Variants in EXOC6B observed in about 807,000 individuals in gnomAD.
The protein encoded by EXOC6B is exocyst complex component 6B.
A neutral mutation model predicts 113.5 loss-of-function variants in EXOC6B; 54 were observed. That is an observed-to-expected ratio of 0.48 (90% CI 0.38 to 0.60). The LOEUF (loss-of-function observed/expected upper bound fraction) is 0.60. Among genes scored for constraint, EXOC6B ranks in the 20% least tolerant of loss-of-function variants. The pLI is 0.00. For missense variants in EXOC6B, 797 were observed against 977.5 expected, an observed-to-expected ratio of 0.82 and a Z score of 2.46; for synonymous variants, 357 against 339.0, an observed-to-expected ratio of 1.05 and a Z score of -0.58.
At chr2:72,322,141 C>G (rs1687875301) in intron 20 of EXOC6B, among the ~76,000 whole-genome samples, 1 of 152,094 alleles carries the variant, frequency 6.6e-6, no homozygotes. Context: ...AGCAGTTTTA[C>G]TCATAATAGC....
chr2:72,609,432 A>T (rs957150358), intron 6 of EXOC6B, among the ~76,000 whole-genome samples: 6 of 151,996 alleles, frequency 3.9e-5, no homozygotes, highest in Non-Finnish European at 4.4e-5. Flanking sequence ...TGAAAAACGT[A>T]ATATCTGAAA....
chr2:72,304,630 A>T (rs2104766657), intron 20 of EXOC6B, among the ~76,000 whole-genome samples: 1 of 152,342 alleles, frequency 6.6e-6, no homozygotes, highest in South Asian at 2.1e-4. Context: ...TTTGGAGCAG[A>T]AGGAGTAAAC....
chr2:72,741,664 G>C (rs916293220), intron 1 of EXOC6B, among the ~76,000 whole-genome samples, 195 bp from the exon 2 acceptor site: 4 of 152,184 alleles, frequency 2.6e-5, no homozygotes, highest in Admixed American at 6.5e-5. Context: ...CAAAATATTT[G>C]ACTGCCTGAC....
intron 21 of EXOC6B, among the ~76,000 whole-genome samples, chr2:72,183,526 C>G (rs967972225): frequency 6.6e-6 from 1 of 152,182 alleles, no homozygotes; most frequent in Admixed American, 6.5e-5. Flanking sequence ...AAGAATTAGA[C>G]ACCTTCTCCA....
chr2:72,428,663 G>A (rs926033037), intron 18 of EXOC6B, among the ~76,000 whole-genome samples: 3 of 152,192 alleles, frequency 2.0e-5, no homozygotes, highest in African/African-American at 7.2e-5. Flanking sequence ...AGCCAAGCGG[G>A]CACAAGCAAA....
At chr2:72,558,254 T>A in intron 8 of EXOC6B, among the ~76,000 whole-genome samples, 1 of 150,686 alleles carries the variant, frequency 6.6e-6, no homozygotes. Context: ...CAGCAAGGAA[T>A]TGTAGATTGA....
At chr2:72,191,163 C>T (rs754145337) in intron 20 of EXOC6B, among the ~76,000 whole-genome samples, 1 of 152,118 alleles carries the variant, frequency 6.6e-6, no homozygotes, top group African/African-American at 2.4e-5. Context: ...AAAGATATGA[C>T]AAGGGGAGAC....
intron 18 of EXOC6B, among the ~76,000 whole-genome samples, chr2:72,403,658 TA>T (rs1693499642): frequency 6.6e-6 from 1 of 152,168 alleles, no homozygotes; most frequent in African/African-American, 2.4e-5. Context: ...TGTGCCACTG[TA>T]CTGCCCACTA....
chr2:72,501,702 GTCT>G (rs967616905), intron 11 of EXOC6B, among the ~76,000 whole-genome samples: 2 of 146,794 alleles, frequency 1.4e-5, no homozygotes, highest in Non-Finnish European at 3.0e-5. Flanking sequence ...AAAATTTTGA[GTCT>G]TCATTAAAAA....
chr2:72,750,653 A>G (rs1399808842), intron 1 of EXOC6B, among the ~76,000 whole-genome samples: 2 of 152,152 alleles, frequency 1.3e-5, no homozygotes, highest in East Asian at 3.8e-4. Flanking sequence ...GAAAACTCCC[A>G]TGATAATTTG....
At chr2:72,208,855 T>C (rs949379092) in intron 20 of EXOC6B, among the ~76,000 whole-genome samples, 1 of 152,190 alleles carries the variant, frequency 6.6e-6, no homozygotes, top group Non-Finnish European at 1.5e-5. Context: ...CTCTCTACTT[T>C]CTAGAAACTC....
chr2:72,406,148 G>C (rs549448303), intron 18 of EXOC6B, among the ~76,000 whole-genome samples: 138 of 152,282 alleles, frequency 9.1e-4, no homozygotes, highest in African/African-American at 3.2e-3. Context: ...AACAAGAAGA[G>C]CTCACTATCC....
intron 8 of EXOC6B, among the ~76,000 whole-genome samples, chr2:72,526,658 A>C (rs991487926): frequency 6.6e-6 from 1 of 151,976 alleles, no homozygotes. Context: ...TTTAGAATCT[A>C]AGAATAAATA....
intron 18 of EXOC6B, among the ~76,000 whole-genome samples, chr2:72,392,212 G>A (rs1289522756): frequency 1.3e-5 from 2 of 152,146 alleles, no homozygotes; most frequent in East Asian, 1.9e-4. Context: ...TCATCAGCTG[G>A]TAACCCTGAA....
chr2:72,283,069 G>A (rs1467773224), intron 20 of EXOC6B, among the ~76,000 whole-genome samples: 1 of 152,076 alleles, frequency 6.6e-6, no homozygotes, highest in African/African-American at 2.4e-5. Context: ...TTTAATTGAT[G>A]TCTATAGAAC....
At chr2:72,813,285 C>T (rs1025829089) in intron 1 of EXOC6B, among the ~76,000 whole-genome samples, 2 of 151,912 alleles carry the variant, frequency 1.3e-5, no homozygotes, top group African/African-American at 4.8e-5. Flanking sequence ...GCCAGAGTCT[C>T]ATTATATTGC....
rs150400900 is a variant in EXOC6B at position 72,641,219 on chromosome 2, G to A, written c.670-65551C>T. On this transcript the variant is annotated intron_variant, in intron 6 of 21. Transcript: ENST00000272427. ...TCATCTAATTGGGACTGGTTGGACA[G>A]TGGGTGCAGCTCAGAGAGGGCGAGC... Among the ~76,000 whole-genome samples, 62 of 152,324 alleles carry A rather than the reference G, an allele frequency of 4.1e-4. No individual in the cohort carries two copies. In the East Asian group the frequency reaches 7.3e-3, roughly 18 times the overall value.
chr2:72,380,426 T>G (rs887901630), intron 18 of EXOC6B, among the ~76,000 whole-genome samples: 2 of 152,068 alleles, frequency 1.3e-5, no homozygotes, highest in African/African-American at 4.8e-5. Flanking sequence ...GATCACAAGG[T>G]CAGGAGATCG....
chr2:72,311,409 CTTTGGGTCA>C (rs1287415380), intron 20 of EXOC6B, among the ~76,000 whole-genome samples: 1 of 152,148 alleles, frequency 6.6e-6, no homozygotes, highest in Non-Finnish European at 1.5e-5. Context: ...CACCCGTACT[CTTTGGGTCA>C]TGGCCTCCTT....
Sources: gnomAD v4.1 joint callset for allele counts (sites outside exome capture counted in the v4.1 genomes callset) on GRCh38, gnomAD v4.1.1 for gene constraint, MANE v1.5 for transcripts, NCBI Gene and HGNC (gene_info 2026-07-23, HGNC 2026-07-21) for gene names.